The following PCNX1 variants were observed in gnomAD, a reference collection of about 807,000 sequenced individuals.
PCNX1 encodes the protein pecanex-like protein 1.
PCNX1 carries 78 observed loss-of-function variants against 242.2 expected under a neutral mutation model. That is an observed-to-expected ratio of 0.32 (90% CI 0.27 to 0.39). The LOEUF is 0.39. PCNX1 is among the 10% of genes least tolerant of loss of function. The pLI is 1.00. For missense variants in PCNX1, 2,581 were observed against 2,856.5 expected (o/e 0.90, Z 2.20); for synonymous variants, 1,024 against 1,032.9 (o/e 0.99, Z 0.17).
At chr14:71,020,896 C>T (rs1452081367) in intron 12 of PCNX1, among the ~76,000 whole-genome samples, 2 of 152,026 alleles carry the variant, frequency 1.3e-5, no homozygotes, top group Admixed American at 6.6e-5. Context: ...GGTTTTAGGT[C>T]TTACATTTAA....
chr14:71,017,189 G>A (rs2059982244), intron 11 of PCNX1, among the ~76,000 whole-genome samples: 1 of 152,140 alleles, frequency 6.6e-6, no homozygotes, highest in Non-Finnish European at 1.5e-5. Context: ...AGAACTACAT[G>A]ACCTTAATTG....
chr14:71,082,225 G>A (rs189363176), intron 28 of PCNX1, among the ~76,000 whole-genome samples: 5 of 152,286 alleles, frequency 3.3e-5, no homozygotes, highest in East Asian at 3.9e-4. Context: ...CTGAGAGACC[G>A]TTTGTTTTGA....
chr14:70,930,791 T>C (rs2056767682), intron 1 of PCNX1, among the ~76,000 whole-genome samples: 1 of 152,072 alleles, frequency 6.6e-6, no homozygotes, highest in Non-Finnish European at 1.5e-5. Flanking sequence ...TTTTTTTCCT[T>C]TGGGAAAGTA....
chr14:71,068,009 A>G (rs2061490624), intron 26 of PCNX1, among the ~76,000 whole-genome samples: 1 of 152,026 alleles, frequency 6.6e-6, no homozygotes, highest in African/African-American at 2.4e-5. Context: ...CTTTTAAAAA[A>G]CTAATGTAAT....
chr14:70,964,542 C>A (rs912925248), intron 3 of PCNX1, among the ~76,000 whole-genome samples: 3 of 152,140 alleles, frequency 2.0e-5, no homozygotes, highest in Non-Finnish European at 1.5e-5. Flanking sequence ...CCTGGGCTTT[C>A]TTCTTATTGA....
chr14:71,000,129 T>C (rs904507107), intron 8 of PCNX1, among the ~76,000 whole-genome samples: 2 of 152,136 alleles, frequency 1.3e-5, no homozygotes, highest in Non-Finnish European at 2.9e-5. Context: ...AAAGTATATA[T>C]AAATGAAAGT....
chr14:70,976,842 T>C (rs956763147), intron 5 of PCNX1, 100 bp from the exon 6 acceptor site: 8 of 995,456 alleles, frequency 8.0e-6, no homozygotes, highest in Non-Finnish European at 1.2e-5. Flanking sequence ...AAATTATTTA[T>C]ACTTGATTTA....
intron 10 of PCNX1, chr14:71,012,455 A>G (rs553810629): frequency 6.3e-6 from 1 of 159,092 alleles, no homozygotes; most frequent in South Asian, 1.7e-4. Context: ...TCAATTATTT[A>G]CAATAGGTTT....
At chr14:70,951,039 C>T (rs1016851610) in intron 2 of PCNX1, among the ~76,000 whole-genome samples, 1 of 151,984 alleles carries the variant, frequency 6.6e-6, no homozygotes, top group Non-Finnish European at 1.5e-5. Context: ...ATCTTTGTAT[C>T]TACTTTCAGT....
chr14:70,924,735 C>G (rs1372079804), intron 1 of PCNX1, among the ~76,000 whole-genome samples: 1 of 151,982 alleles, frequency 6.6e-6, no homozygotes, highest in Admixed American at 6.6e-5. Flanking sequence ...TGTAAGCACA[C>G]ACCCCACCAC....
At chr14:70,948,230 C>T (rs1275008703) in intron 2 of PCNX1, among the ~76,000 whole-genome samples, 1 of 152,136 alleles carries the variant, frequency 6.6e-6, no homozygotes, top group Non-Finnish European at 1.5e-5. Context: ...TATTCATACA[C>T]CCCTCCCCTT....
chr14:70,927,100 C>T (rs1594915282), intron 1 of PCNX1, among the ~76,000 whole-genome samples: 2 of 152,250 alleles, frequency 1.3e-5, no homozygotes, highest in East Asian at 3.9e-4. Flanking sequence ...GCAATATAAT[C>T]CAGTGTATGT....
rs571865419 is a variant in PCNX1 at position 71,004,060 on chromosome 14, G to C, written c.2630-5574G>C. On this transcript the variant is annotated intron_variant, in intron 8 of 35. Coordinates refer to ENST00000304743, the MANE Select transcript of PCNX1 (RefSeq NM_014982.3). ...GGTGTTAGTAAACCACCGCCTGTGG[G>C]CTAAGTCCAGCTCTATACCTACCTG... Among the ~76,000 whole-genome samples the C allele has an allele frequency of 1.3e-3, 191 of 152,312 alleles. 1 individual carries two copies. The highest frequency in any genetic ancestry group is 2.5e-3 in the Non-Finnish European group (168 of 68,020).
At chr14:70,989,704 A>G (rs2059105716) in intron 7 of PCNX1, among the ~76,000 whole-genome samples, 1 of 151,810 alleles carries the variant, frequency 6.6e-6, no homozygotes, top group South Asian at 2.1e-4. Flanking sequence ...TAATTTTTAT[A>G]TTATTGTAGA....
At chr14:71,071,072 C>G (rs2061575003) in intron 26 of PCNX1, among the ~76,000 whole-genome samples, 1 of 152,210 alleles carries the variant, frequency 6.6e-6, no homozygotes. Flanking sequence ...TTCCTTAAAC[C>G]TCATGACCCA....
At chr14:71,051,311 A>G in intron 23 of PCNX1, among the ~76,000 whole-genome samples, 1 of 152,240 alleles carries the variant, frequency 6.6e-6, no homozygotes, top group Admixed American at 6.5e-5. Flanking sequence ...TAAGAAAGTA[A>G]TGCTGATTTA....
rs1595087371 is a variant in PCNX1, at chr14:70,969,204, A to G, written c.604+94A>G. 4 of 736,120 alleles carry G rather than the reference A, an allele frequency of 5.4e-6. No individual in the cohort carries two copies. In the East Asian group the frequency reaches 1.0e-4, roughly 18 times the overall value. The allele number at this position is 736,120 out of a possible 1,614,324, so 45.6% of individuals were successfully genotyped here. The stretch of plus-strand genomic sequence containing the variant: ...GCATACAATTTGGCAGAAGTTTATA[A>G]CAATTTAATATGATATTTAAGGAAA... On this transcript the variant is annotated intron_variant, in intron 5 of 35. Transcript: ENST00000304743.
rs76859855 is a variant in PCNX1 at position 71,097,076 on chromosome 14, G to C, written c.5590-4914G>C. On this transcript the variant is annotated intron_variant, in intron 30 of 35. Transcript: ENST00000304743. Reference sequence around the variant, plus strand: ...TTCCTAGAAGAGAGGAGCCTTCTAAGAATTATCCTAATTTGCTTAGGATAA... The same window carrying C: ...TTCCTAGAAGAGAGGAGCCTTCTAACAATTATCCTAATTTGCTTAGGATAA... 3.3e-3 allele frequency among the ~76,000 whole-genome samples: 497 copies of C among 152,206 alleles called. 4 individuals are homozygous for C. Among genetic ancestry groups the C allele is most frequent in the East Asian group, 0.024 (123 of 5,186 alleles).
At chr14:70,951,489 C>G (rs1167044536) in intron 2 of PCNX1, among the ~76,000 whole-genome samples, 1 of 152,118 alleles carries the variant, frequency 6.6e-6, no homozygotes, top group African/African-American at 2.4e-5. Context: ...GTTCTCCTGC[C>G]TCAGCCTCCC....
Sources: allele counts gnomAD v4.1 joint callset (sites outside exome capture counted in the v4.1 genomes callset), GRCh38; gene constraint gnomAD v4.1.1; transcripts MANE v1.5; gene names NCBI Gene and HGNC (gene_info 2026-07-23, HGNC 2026-07-21).